The following CRY1 variants were observed in gnomAD, a reference collection of about 807,000 sequenced individuals.
CRY1 encodes cryptochrome circadian regulator 1.
Under a neutral mutation model 76.0 loss-of-function variants are expected in CRY1, and 45 were observed. The observed-to-expected ratio is 0.59, with a 90% confidence interval of 0.47 to 0.76. The LOEUF (loss-of-function observed/expected upper bound fraction) is 0.76. Among genes scored for constraint, CRY1 ranks in the 30% least tolerant of loss-of-function variants. The pLI is 0.00. For missense variants in CRY1, 587 were observed against 716.4 expected (o/e 0.82, Z 2.06); for synonymous variants, 248 against 244.0 (o/e 1.02, Z -0.15).
chr12:107,085,730 T>A (rs79819316), intron 1 of CRY1, among the ~76,000 whole-genome samples: 1 of 151,998 alleles, frequency 6.6e-6, no homozygotes, highest in Non-Finnish European at 1.5e-5. Flanking sequence ...AAAACCTAGA[T>A]GACAGGTTGA....
chr12:107,031,699 C>A (rs904019113), intron 1 of CRY1, among the ~76,000 whole-genome samples: 3 of 151,566 alleles, frequency 2.0e-5, no homozygotes, highest in Non-Finnish European at 2.9e-5. Context: ...GTTTAATTAT[C>A]AAAAAAAATC....
chr12:107,041,326 A>C (rs1952797082), intron 1 of CRY1, among the ~76,000 whole-genome samples: 1 of 152,216 alleles, frequency 6.6e-6, no homozygotes, highest in African/African-American at 2.4e-5. Flanking sequence ...AAAGCACATA[A>C]AAAAGGAAAG....
intron 1 of CRY1, among the ~76,000 whole-genome samples, chr12:107,080,913 G>T (rs941555163): frequency 2.0e-5 from 3 of 152,100 alleles, no homozygotes; most frequent in Non-Finnish European, 2.9e-5. Flanking sequence ...TTCCTTTGTT[G>T]TTACAGGTTG....
rs1200353934 is a variant in CRY1 at position 107,069,587 on chromosome 12, GTA to G, written c.158+23215_158+23216del. On this transcript the variant is annotated intron_variant, in intron 1 of 12. Coordinates refer to ENST00000008527, the MANE Select transcript of CRY1 (RefSeq NM_004075.5). ...TATATATATAAAGTATATATATAAAGTATATATATATAAAGTATATATATAAA... is the reference window on the plus strand; with the variant it reads ...TATATATATAAAGTATATATATAAAGTATATATATAAAGTATATATATAAA... 1.4e-3 allele frequency among the ~76,000 whole-genome samples: 57 copies of G among 40,414 alleles called. No individual in the cohort carries two copies. The South Asian group carries it at 0.03, about 21-fold the overall frequency. 26.5% of individuals were successfully genotyped at this position (40,414 alleles called of 152,430 possible).
intron 1 of CRY1, among the ~76,000 whole-genome samples, chr12:107,047,474 C>T (rs547015946): frequency 6.6e-6 from 1 of 152,048 alleles, no homozygotes; most frequent in Non-Finnish European, 1.5e-5. Context: ...TCCCATAATC[C>T]CAAAGTGTCA....
intron 1 of CRY1, among the ~76,000 whole-genome samples, chr12:107,058,208 TATA>T (rs549699733): frequency 1.3e-5 from 2 of 152,128 alleles, no homozygotes; most frequent in East Asian, 3.9e-4. Context: ...CTCAGAATAA[TATA>T]ATATTAATAA....
At chr12:107,003,616 T>C (rs926925868) in intron 3 of CRY1, among the ~76,000 whole-genome samples, 2 of 152,186 alleles carry the variant, frequency 1.3e-5, no homozygotes, top group Non-Finnish European at 2.9e-5. Flanking sequence ...TTGGTGTATT[T>C]TGAATTTATT....
At chr12:107,048,445 AT>A (rs1430266306) in intron 1 of CRY1, among the ~76,000 whole-genome samples, 1 of 152,050 alleles carries the variant, frequency 6.6e-6, no homozygotes, top group Non-Finnish European at 1.5e-5. Flanking sequence ...GTATCTCTGT[AT>A]TTCTATATAG....
chr12:107,030,920 G>A (rs1182109745), intron 1 of CRY1, among the ~76,000 whole-genome samples: 1 of 152,108 alleles, frequency 6.6e-6, no homozygotes, highest in Non-Finnish European at 1.5e-5. Flanking sequence ...CAGAAACTCA[G>A]AAGAGCTGGG....
chr12:106,999,685 T>C lies in CRY1; in HGVS notation c.1003A>G (p.Thr335Ala). The change falls in exon 7 of 13, where the codon ACA becomes GCA. Residue 335 changes from threonine to alanine, a missense_variant. By Grantham distance (58) the Thr-to-Ala change is moderately conservative (BLOSUM62 0). Coordinates refer to ENST00000008527, the MANE Select transcript of CRY1 (RefSeq NM_004075.5). ...ATGGCATCAATCCATGGAAAGCCTG[T>C]CCGGCCTTCCGCCCATTTGGCTAAA... ...EALAKWAEGR[T>A]GFPWIDAIMT... is the part of the protein sequence containing the mutation. 6.2e-7 allele frequency: 1 copy of C among 1,614,270 alleles called. No individual in the cohort carries two copies. The highest frequency in any genetic ancestry group is 8.5e-7 in the Non-Finnish European group (1 of 1,180,050).
intron 1 of CRY1, among the ~76,000 whole-genome samples, chr12:107,041,324 T>TA (rs1445255176): frequency 6.6e-6 from 1 of 152,090 alleles, no homozygotes; most frequent in Non-Finnish European, 1.5e-5. Flanking sequence ...TTAAAGCACA[T>TA]AAAAAAGGAA....
At chr12:107,079,054 G>A (rs1309929755) in intron 1 of CRY1, among the ~76,000 whole-genome samples, 1 of 152,098 alleles carries the variant, frequency 6.6e-6, no homozygotes, top group Non-Finnish European at 1.5e-5. Context: ...CCAAACAAGG[G>A]CAGCTTTTCT....
chr12:107,075,143 A>G (rs1402664277), intron 1 of CRY1, among the ~76,000 whole-genome samples: 5 of 152,238 alleles, frequency 3.3e-5, no homozygotes, highest in Non-Finnish European at 7.3e-5. Flanking sequence ...ACTGATGGAC[A>G]TGGCTAATTT....
chr12:107,028,876 C>G (rs1400378960), intron 1 of CRY1, among the ~76,000 whole-genome samples: 1 of 152,148 alleles, frequency 6.6e-6, no homozygotes, highest in Admixed American at 6.5e-5. Context: ...AAAGTACAAT[C>G]TTTCCTTTAT....
Position 107,092,878 on chromosome 12 carries a change from G to C in CRY1, c.84C>G (p.Ala28=), listed in dbSNP as rs368172158. The change falls in exon 1 of 13, where the codon GCC becomes GCG. Residue 28 remains alanine, a synonymous_variant. Transcript: ENST00000008527. The stretch of plus-strand genomic sequence containing the variant: ...GGATGTAGACGCAGCGGATGGTGTC[G>C]GCGCCCTGAATGCACTCCTTCAGGG... The part of the protein sequence containing the change: ...NPALKECIQG[A]DTIRCVYILD... 1.9e-6 allele frequency: 3 copies of C among 1,610,132 alleles called. No individual in the cohort carries two copies. Among genetic ancestry groups the C allele is most frequent in the Non-Finnish European group, 2.5e-6 (3 of 1,179,308 alleles).
chr12:107,034,612 T>C (rs1348727899), intron 1 of CRY1, among the ~76,000 whole-genome samples: 1 of 152,140 alleles, frequency 6.6e-6, no homozygotes, highest in African/African-American at 2.4e-5. Flanking sequence ...ATGAATTCGG[T>C]TGCTCAACTA....
At chr12:107,029,556 T>C (rs1000150036) in intron 1 of CRY1, among the ~76,000 whole-genome samples, 3 of 146,704 alleles carry the variant, frequency 2.0e-5, no homozygotes, top group South Asian at 4.3e-4. Flanking sequence ...GCTGTAATCA[T>C]GCCACTGCAC....
chr12:107,055,292 T>C (rs1157545244), intron 1 of CRY1, among the ~76,000 whole-genome samples: 1 of 152,074 alleles, frequency 6.6e-6, no homozygotes, highest in Non-Finnish European at 1.5e-5. Flanking sequence ...TAACAAAGGA[T>C]ATAATTCTAA....
chr12:107,086,366 T>A (rs1313272604), intron 1 of CRY1, among the ~76,000 whole-genome samples: 2 of 152,138 alleles, frequency 1.3e-5, no homozygotes, highest in African/African-American at 2.4e-5. Flanking sequence ...TACCAGGCCC[T>A]GACAGAACAG....
Sources: gnomAD v4.1 joint callset for allele counts (sites outside exome capture counted in the v4.1 genomes callset) on GRCh38, gnomAD v4.1.1 for gene constraint, MANE v1.5 for transcripts, NCBI Gene and HGNC (gene_info 2026-07-23, HGNC 2026-07-21) for gene names.